Variants in MYO1E observed in about 807,000 individuals in gnomAD.
The protein encoded by MYO1E is myosin IE.
A neutral mutation model predicts 151.1 loss-of-function variants in MYO1E; 68 were observed. The observed-to-expected ratio is 0.45, with a 90% CI of 0.37 to 0.55. The LOEUF (loss-of-function observed/expected upper bound fraction) is 0.55. Ranked by LOEUF, MYO1E falls within the 20% of genes least tolerant of loss-of-function variation. MYO1E has a pLI of 0.00. For missense variants in MYO1E, 1,363 were observed against 1,389.3 expected (o/e 0.98, Z 0.30); for synonymous variants, 601 against 501.7 (o/e 1.20, Z -2.64).
chr15:59,313,789 G>T (rs1222487816), intron 1 of MYO1E, among the ~76,000 whole-genome samples: 1 of 152,246 alleles, frequency 6.6e-6, no homozygotes, highest in Non-Finnish European at 1.5e-5. Context: ...ATTATAGGGA[G>T]AGAGGGAGGG....
intron 1 of MYO1E, among the ~76,000 whole-genome samples, chr15:59,300,939 C>T (rs1172339871): frequency 6.8e-6 from 1 of 147,488 alleles, no homozygotes; most frequent in African/African-American, 2.5e-5. Flanking sequence ...ACCATGCCAG[C>T]TCATTGCAAC....
At chr15:59,355,724 T>A (rs62002510) in intron 1 of MYO1E, among the ~76,000 whole-genome samples, 1 of 9,254 alleles carries the variant, frequency 1.1e-4, no homozygotes, top group South Asian at 8.6e-3. Context: ...TGCCTATTTC[T>A]TTTTTTTTTG....
chr15:59,297,437 A>ATTTTTTTTTTTTTTTTTT lies in MYO1E; in HGVS notation c.4-25006_4-24989dup, dbSNP rs755470049. Among the ~76,000 whole-genome samples the ATTTTTTTTTTTTTTTTTT allele has an allele frequency of 3.2e-4, 20 of 63,482 alleles. 3 individuals carry two copies. Among genetic ancestry groups the ATTTTTTTTTTTTTTTTTT allele is most frequent in the East Asian group, 8.7e-4 (2 of 2,304 alleles). The allele number at this position is 63,482 out of a possible 152,430, so 41.6% of individuals were successfully genotyped here. A position where few individuals can be genotyped will look rare whatever the true frequency, so the allele number is the denominator to read the frequency against. On this transcript the variant is annotated intron_variant, in intron 1 of 27. Coordinates refer to ENST00000288235, the MANE Select transcript of MYO1E (RefSeq NM_004998.4). ...AGGTACGCACCACCACACCCAGCTA[A>ATTTTTTTTTTTTTTTTTT]TTTTTTTTTTTTTTTTTTTTTTTTA...
Position 59,216,592 on chromosome 15 carries a change from G to GTATCTATCTATCTATCTATCTA in MYO1E, c.1107+1298_1107+1299insTAGATAGATAGATAGATAGATA, listed in dbSNP as rs55698726. On this transcript the variant is annotated intron_variant, in intron 10 of 27. Transcript: ENST00000288235. The stretch of plus-strand genomic sequence containing the variant: ...TATAAGAGTTTATGTGTGTGTGTGT[G>GTATCTATCTATCTATCTATCTA]TGTATCTATCTATCTATCTATCTAT... 1.6e-3 allele frequency among the ~76,000 whole-genome samples: 164 copies of GTATCTATCTATCTATCTATCTA among 103,200 alleles called. 2 individuals carry two copies. Among genetic ancestry groups the GTATCTATCTATCTATCTATCTA allele is most frequent in the African/African-American group, 5.1e-3 (141 of 27,776 alleles). The allele number at this position is 103,200 out of a possible 152,430, so 67.7% of individuals were successfully genotyped here. A position where few individuals can be genotyped will look rare whatever the true frequency, so the allele number is the denominator to read the frequency against.
rs74017717 is a variant in MYO1E, at chr15:59,313,365, T to C, written c.4-40916A>G. The stretch of plus-strand genomic sequence containing the variant: ...GAAGGATATTTGGAAAAATTCATTA[T>C]TTAAGGAAGCAACACAGGTCTGATG... On this transcript the variant is annotated intron_variant, in intron 1 of 27. Transcript: ENST00000288235. Among the ~76,000 whole-genome samples, 1,033 of 152,300 alleles carry C rather than the reference T, an allele frequency of 6.8e-3. 11 individuals are homozygous for C. Among genetic ancestry groups the C allele is most frequent in the African/African-American group, 0.023 (963 of 41,568 alleles).
intron 1 of MYO1E, among the ~76,000 whole-genome samples, chr15:59,314,511 G>A (rs1259668712): frequency 1.3e-5 from 2 of 152,188 alleles, no homozygotes; most frequent in African/African-American, 4.8e-5. Flanking sequence ...GGTCACAGGA[G>A]AAGGCCTCTG....
chr15:59,307,608 TTTTTGG>T (rs71854322), intron 1 of MYO1E, among the ~76,000 whole-genome samples: 22,030 of 151,802 alleles, frequency 0.15, 2,440 homozygotes, highest in African/African-American at 0.31. Context: ...TTAGTTTTTG[TTTTTGG>T]TTTTGGTTTT....
intron 2 of MYO1E, among the ~76,000 whole-genome samples, chr15:59,267,982 G>C (rs572379493): frequency 1.3e-5 from 2 of 151,986 alleles, no homozygotes; most frequent in East Asian, 1.9e-4. Context: ...ATTAACAATC[G>C]ATCGCCCCAA....
At chr15:59,293,544 T>TAA (rs756437928) in intron 1 of MYO1E, among the ~76,000 whole-genome samples, 1 of 139,866 alleles carries the variant, frequency 7.1e-6, no homozygotes, top group Non-Finnish European at 1.6e-5. Context: ...AGACTCCCTC[T>TAA]AAAAAAAAAA....
chr15:59,341,739 T>C (rs748322647), intron 1 of MYO1E, among the ~76,000 whole-genome samples: 3 of 152,214 alleles, frequency 2.0e-5, no homozygotes, highest in Admixed American at 6.5e-5. Context: ...ACATCTTCTT[T>C]ATGTGATGAA....
At chr15:59,204,517 C>T (rs1335574978) in intron 15 of MYO1E, among the ~76,000 whole-genome samples, 1 of 152,196 alleles carries the variant, frequency 6.6e-6, no homozygotes, top group East Asian at 1.9e-4. Flanking sequence ...TGGGCCTTGC[C>T]TCGCAAGCAT....
rs1191196400 is a variant in MYO1E, at chr15:59,132,997, A to T, written c.*4383T>A. ...TCTCTCTCTTTTTAAATAGACTTTT[A>T]TGTTCTGAGAGGAAGATATTGGAAG... On this transcript the variant is annotated 3_prime_UTR_variant, in exon 28 of 28. Transcript: ENST00000288235. 2.6e-5 allele frequency: 4 copies of T among 152,174 alleles called. No individual in the cohort carries two copies. The highest frequency in any genetic ancestry group is 2.0e-4 in the Admixed American group (3 of 15,270). The allele number at this position is 152,174 out of a possible 1,614,324, so 9.4% of individuals were successfully genotyped here.
chr15:59,336,204 C>CT (rs1386845617), intron 1 of MYO1E, among the ~76,000 whole-genome samples: 4 of 151,860 alleles, frequency 2.6e-5, no homozygotes, highest in African/African-American at 9.7e-5. Flanking sequence ...AACGCCATGT[C>CT]TAAAAAAAAT....
intron 1 of MYO1E, among the ~76,000 whole-genome samples, chr15:59,342,229 T>G (rs1191578379): frequency 1.3e-5 from 2 of 152,218 alleles, no homozygotes; most frequent in Non-Finnish European, 2.9e-5. Flanking sequence ...CAGATTAGAT[T>G]TTTTCCTACA....
At chr15:59,178,704 A>G (rs184538242) in intron 18 of MYO1E, among the ~76,000 whole-genome samples, 167 bp from the exon 19 acceptor site, 1 of 152,350 alleles carries the variant, frequency 6.6e-6, no homozygotes, top group Non-Finnish European at 1.5e-5. Flanking sequence ...CGATGACTGC[A>G]AAAATCCCGA....
At chr15:59,175,472 C>T (rs1417731330) in intron 19 of MYO1E, among the ~76,000 whole-genome samples, 2 of 152,136 alleles carry the variant, frequency 1.3e-5, no homozygotes, top group Non-Finnish European at 2.9e-5. Flanking sequence ...CACTCAACTT[C>T]TCTCCTCACA....
intron 1 of MYO1E, among the ~76,000 whole-genome samples, chr15:59,318,384 T>C (rs2080602565): frequency 6.6e-6 from 1 of 152,158 alleles, no homozygotes; most frequent in Non-Finnish European, 1.5e-5. Flanking sequence ...AGCCCCTGCT[T>C]TTCCCACCAC....
At chr15:59,371,067 G>A (rs1484704280) in intron 1 of MYO1E, among the ~76,000 whole-genome samples, 2 of 152,188 alleles carry the variant, frequency 1.3e-5, no homozygotes, top group East Asian at 3.8e-4. Context: ...TATAGACAAA[G>A]TGTTCTCTTA....
In MYO1E at chr15:59,372,433, C is replaced by G. The variant is rs1255907146; in HGVS notation, c.3+65G>C. On this transcript the variant is annotated intron_variant, in intron 1 of 27. Transcript: ENST00000288235. ...CGGCAGCGCGCCCAAGGTGGGTGCA[C>G]CACGCCGGGGTTTCCTGCCCCGTCC... 3.9e-6 allele frequency: 6 copies of G among 1,534,738 alleles called. No individual in the cohort carries two copies. The East Asian group carries it at 1.2e-4, about 31-fold the overall frequency.
Sources: allele counts gnomAD v4.1 joint callset (sites outside exome capture counted in the v4.1 genomes callset), GRCh38; gene constraint gnomAD v4.1.1; transcripts MANE v1.5; gene names NCBI Gene and HGNC (gene_info 2026-07-23, HGNC 2026-07-21).